VAV3: variants seen among roughly 807,000 people sequenced by gnomAD.
The protein encoded by VAV3 is vav guanine nucleotide exchange factor 3, also known as guanine nucleotide exchange factor VAV3.
A neutral mutation model predicts 131.2 loss-of-function variants in VAV3; 94 were observed. The observed-to-expected ratio is 0.72, with a 90% CI of 0.61 to 0.85. The LOEUF (loss-of-function observed/expected upper bound fraction) is 0.85. Ranked by LOEUF, VAV3 falls within the 40% of genes least tolerant of loss-of-function variation. VAV3 has a pLI of 0.00. For synonymous variants in VAV3, 349 were observed against 342.0 expected (o/e 1.02, Z -0.22); for missense variants, 939 against 1,002.7 (o/e 0.94, Z 0.86).
intron 19 of VAV3, among the ~76,000 whole-genome samples, chr1:107,660,508 T>C (rs903689780): frequency 6.6e-6 from 1 of 152,206 alleles, no homozygotes; most frequent in Non-Finnish European, 1.5e-5. Flanking sequence ...GGCAGACCAC[T>C]GGCCTTATAG....
chr1:107,628,063 T>C (rs1006532980), intron 20 of VAV3, among the ~76,000 whole-genome samples: 51 of 149,522 alleles, frequency 3.4e-4, no homozygotes, highest in African/African-American at 1.2e-3. Context: ...CCTTTTTGGT[T>C]CTGAGAAGAC....
At chr1:107,921,413 T>C (rs1672892357) in intron 1 of VAV3, among the ~76,000 whole-genome samples, 1 of 152,240 alleles carries the variant, frequency 6.6e-6, no homozygotes, top group Non-Finnish European at 1.5e-5. Flanking sequence ...AAGGTAAACA[T>C]GGCTATTTTT....
intron 22 of VAV3, among the ~76,000 whole-genome samples, chr1:107,609,006 C>A (rs1336375995): frequency 1.3e-5 from 2 of 152,038 alleles, no homozygotes; most frequent in African/African-American, 4.8e-5. Flanking sequence ...ATTTTGGGGG[C>A]AGTATAGCAA....
chr1:107,592,287 A>G (rs1165810299), intron 25 of VAV3, among the ~76,000 whole-genome samples: 1 of 152,042 alleles, frequency 6.6e-6, no homozygotes, highest in Non-Finnish European at 1.5e-5. Flanking sequence ...GATTCCACTT[A>G]TGCTTTTTGG....
chr1:107,599,048 TATC>T (rs902420985), intron 24 of VAV3, among the ~76,000 whole-genome samples: 6 of 152,192 alleles, frequency 3.9e-5, no homozygotes, highest in Admixed American at 2.6e-4. Context: ...ACCATAGAAT[TATC>T]ATACTGAAAA....
At chr1:107,668,051 T>G (rs1389933062) in intron 19 of VAV3, among the ~76,000 whole-genome samples, 1 of 152,190 alleles carries the variant, frequency 6.6e-6, no homozygotes, top group Non-Finnish European at 1.5e-5. Flanking sequence ...CAACCCTGCC[T>G]TAAGCCTTCA....
chr1:107,756,406 T>G (rs891561341), intron 11 of VAV3, among the ~76,000 whole-genome samples: 1 of 152,140 alleles, frequency 6.6e-6, no homozygotes, highest in African/African-American at 2.4e-5. Flanking sequence ...AAACGACTTC[T>G]TTAAAATTTG....
chr1:107,752,178 A>T (rs1663772274), intron 12 of VAV3, among the ~76,000 whole-genome samples: 4 of 152,234 alleles, frequency 2.6e-5, no homozygotes, highest in African/African-American at 9.6e-5. Flanking sequence ...GAGCCCAGAA[A>T]TAAGTCCTCA....
chr1:107,638,422 TC>T (rs1655091589), intron 20 of VAV3, among the ~76,000 whole-genome samples: 1 of 152,150 alleles, frequency 6.6e-6, no homozygotes, highest in Non-Finnish European at 1.5e-5. Flanking sequence ...ATATTAAAAC[TC>T]ATTTATAATA....
rs1347188817 is a variant in VAV3, at chr1:107,612,906, G to A, written c.1981-2941C>T. 2.6e-5 allele frequency among the ~76,000 whole-genome samples: 4 copies of A among 152,056 alleles called. No homozygotes were observed. The East Asian group carries it at 5.8e-4, about 22-fold the overall frequency. On this transcript the variant is annotated intron_variant, in intron 21 of 26. Coordinates refer to ENST00000370056, the MANE Select transcript of VAV3 (RefSeq NM_006113.5). Reference sequence around the variant, plus strand: ...TAGCTACCCTGCATGGTACAATCCAGTGCCTGCCTTTGAGCTAGCCATAAA... The same window carrying A: ...TAGCTACCCTGCATGGTACAATCCAATGCCTGCCTTTGAGCTAGCCATAAA...
In VAV3 at chr1:107,828,685, T is replaced by C. The variant is rs924849996; in HGVS notation, c.321+46216A>G. On this transcript the variant is annotated intron_variant, in intron 2 of 26. Transcript: ENST00000370056. ...AGTGGAGCATCTCTCTCCAAGCCAGTTGGAAAAGGTTCTCTGCTTTTCAGG... is the reference window on the plus strand; with the variant it reads ...AGTGGAGCATCTCTCTCCAAGCCAGCTGGAAAAGGTTCTCTGCTTTTCAGG... 2.0e-4 allele frequency among the ~76,000 whole-genome samples: 31 copies of C among 152,278 alleles called. 1 individual carries two copies. The highest frequency in any genetic ancestry group is 3.4e-3 in the Middle Eastern group (1 of 294).
chr1:107,749,431 A>G, intron 14 of VAV3, 31 bp downstream of exon 14: 2 of 1,574,112 alleles, frequency 1.3e-6, no homozygotes, highest in Non-Finnish European at 1.7e-6. Context: ...GATTATAAGT[A>G]AATTACAGTT....
intron 2 of VAV3, among the ~76,000 whole-genome samples, chr1:107,808,286 A>T (rs1667156822): frequency 2.0e-5 from 3 of 152,178 alleles, no homozygotes; most frequent in Admixed American, 6.5e-5. Flanking sequence ...ATATGAATGA[A>T]GTGAACATGA....
intron 2 of VAV3, among the ~76,000 whole-genome samples, chr1:107,807,207 C>T (rs564477437): frequency 1.3e-5 from 2 of 152,248 alleles, no homozygotes; most frequent in African/African-American, 4.8e-5. Context: ...CATTCCACTG[C>T]AAATTCTAAC....
chr1:107,801,553 C>G (rs184431159), intron 2 of VAV3, among the ~76,000 whole-genome samples: 199 of 152,226 alleles, frequency 1.3e-3, no homozygotes, highest in Non-Finnish European at 2.5e-3. Flanking sequence ...GTAACAATAG[C>G]TGAGTGTTGG....
At chr1:107,595,419 TCCCAG>T (rs10578345) in intron 25 of VAV3, among the ~76,000 whole-genome samples, 54,084 of 151,580 alleles carry the variant, frequency 0.36, 9,904 homozygotes, top group Middle Eastern at 0.41. Context: ...CCTCTAGATA[TCCCAG>T]TGTTGCTTAG....
intron 2 of VAV3, among the ~76,000 whole-genome samples, chr1:107,789,909 C>T (rs1037627458): frequency 6.6e-6 from 1 of 152,142 alleles, no homozygotes; most frequent in African/African-American, 2.4e-5. Context: ...ACAGACTAGC[C>T]ACAACCTGAG....
intron 1 of VAV3, among the ~76,000 whole-genome samples, chr1:107,903,021 G>C (rs180954880): frequency 7.8e-4 from 119 of 152,214 alleles, no homozygotes; most frequent in Admixed American, 2.7e-3. Context: ...TAGTGTGAAA[G>C]AAATAATTTT....
intron 15 of VAV3, among the ~76,000 whole-genome samples, chr1:107,709,791 G>A (rs548323770): frequency 3.3e-5 from 5 of 152,250 alleles, no homozygotes; most frequent in African/African-American, 9.6e-5. Context: ...GAGAAAGGAC[G>A]TGTTTGTCTC....
Sources: gnomAD v4.1 joint callset for allele counts (sites outside exome capture counted in the v4.1 genomes callset) on GRCh38, gnomAD v4.1.1 for gene constraint, MANE v1.5 for transcripts, NCBI Gene and HGNC (gene_info 2026-07-23, HGNC 2026-07-21) for gene names.